ANO7: variants seen among roughly 807,000 people sequenced by gnomAD.
The protein encoded by ANO7 is anoctamin 7.
ANO7 carries 114 observed loss-of-function variants against 115.8 expected under a neutral mutation model. The observed-to-expected ratio is 0.98, with a 90% confidence interval of 0.85 to 1.15. ANO7 has a LOEUF of 1.15. ANO7 is among the 50% of genes most tolerant of loss of function. The probability of loss-of-function intolerance (pLI) is 0.00; values close to 1 mark genes in which losing one functional copy is unlikely to be tolerated. For missense variants in ANO7, 1,302 were observed against 1,201.2 expected, an observed-to-expected ratio of 1.08 and a Z score of -1.24; for synonymous variants, 550 against 498.2, an observed-to-expected ratio of 1.10 and a Z score of -1.38.
chr2:241,201,185 G>A (rs1036255753), intron 6 of ANO7, 113 bp from the exon 7 acceptor site: 50 of 1,270,110 alleles, frequency 3.9e-5, no homozygotes, highest in East Asian at 5.6e-5. Flanking sequence ...GCCAGCACCC[G>A]GGCCCCAAAC....
chr2:241,213,053 A>G (rs1265096589), intron 17 of ANO7, among the ~76,000 whole-genome samples: 1 of 152,190 alleles, frequency 6.6e-6, no homozygotes, highest in Non-Finnish European at 1.5e-5. Flanking sequence ...TTTTAACCCA[A>G]TTCACACCTG....
chr2:241,236,551 G>C, the ANO7 span: 1 of 1,550,582 alleles, frequency 6.4e-7, no homozygotes, highest in Non-Finnish European at 8.9e-7. Flanking sequence ...CAGGCCACGC[G>C]TCTCCCCAGG....
At position 241,208,965 on chromosome 2, in the gene ANO7, C is replaced by T. The variant is rs11674804; in HGVS notation, c.1078-320C>T. Among the ~76,000 whole-genome samples the T allele has an allele frequency of 0.22, 32,749 of 151,800 alleles. 3,940 individuals carry two copies. The highest frequency in any genetic ancestry group is 0.27 in the Non-Finnish European group (18,409 of 67,900). ...AAGATCGAGACCATCCTGGCTAACA[C>T]GGTGAAACCTCGTCTCTACTAAAAA... On this transcript the variant is annotated intron_variant, in intron 11 of 24. Coordinates refer to ENST00000674324, the MANE Select transcript of ANO7 (RefSeq NM_001370694.2).
chr2:241,233,977 G>A, the ANO7 span: 1 of 1,614,042 alleles, frequency 6.2e-7, no homozygotes, highest in Non-Finnish European at 8.5e-7. This position sits in a 1 kb window ranked among gnomAD's most constrained non-coding sequence, Gnocchi z 4.3. Context: ...CAAATGAAAG[G>A]AGCAAGAATG....
chr2:241,205,043 G>C lies in ANO7; in HGVS notation c.980+88G>C. 8 of 1,120,564 alleles carry C rather than the reference G, an allele frequency of 7.1e-6. No homozygotes were observed. The South Asian group carries it at 1.0e-4, about 14-fold the overall frequency. The allele number at this position is 1,120,564 out of a possible 1,614,324, so 69.4% of individuals were successfully genotyped here. ...GGGGGACCCCTAGGTGCTAGGTCCT[G>C]TGCAGACAGCTGGTGCTTGAGGTGA... On this transcript the variant is annotated intron_variant, in intron 10 of 24. Transcript: ENST00000674324.
chr2:241,202,863 G>A (rs925158528), intron 8 of ANO7, among the ~76,000 whole-genome samples: 1 of 152,224 alleles, frequency 6.6e-6, no homozygotes, highest in African/African-American at 2.4e-5. Flanking sequence ...GCCCACTGCT[G>A]CATGGCCAGG....
the ANO7 span, chr2:241,233,831 C>T: frequency 1.2e-6 from 2 of 1,614,174 alleles, no homozygotes; most frequent in Non-Finnish European, 1.7e-6. This position sits in a 1 kb window ranked among gnomAD's most constrained non-coding sequence, Gnocchi z 4.3. Context: ...TGGTTCCCAT[C>T]GTCCTTATCA....
At chr2:241,232,738 C>T in the ANO7 span, among the ~76,000 whole-genome samples, 7 of 152,030 alleles carry the variant, frequency 4.6e-5, no homozygotes, top group Admixed American at 6.6e-5. Flanking sequence ...CACTTCAACC[C>T]GGGAGGCAGA....
the ANO7 span, chr2:241,235,517 C>A: frequency 1.9e-6 from 3 of 1,613,958 alleles, no homozygotes; most frequent in African/African-American, 4.0e-5. Flanking sequence ...TCTTGCGGAT[C>A]CCACTTCCTT....
At chr2:241,192,784 G>A (rs1032931921) in intron 3 of ANO7, among the ~76,000 whole-genome samples, 26 of 152,186 alleles carry the variant, frequency 1.7e-4, no homozygotes, top group East Asian at 1.9e-4. Context: ...ACGGGGATGC[G>A]CCTTGTGGAC....
chr2:241,204,057 A>C (rs2068533881), intron 9 of ANO7, among the ~76,000 whole-genome samples: 1 of 152,198 alleles, frequency 6.6e-6, no homozygotes, highest in Non-Finnish European at 1.5e-5. Flanking sequence ...GTGGACCCAG[A>C]CAATAGAGCC....
chr2:241,214,273 G>C (rs958718519), intron 17 of ANO7, among the ~76,000 whole-genome samples: 1 of 152,216 alleles, frequency 6.6e-6, no homozygotes, highest in African/African-American at 2.4e-5. Flanking sequence ...GGCTACGCGG[G>C]CTTAGGTATG....
the ANO7 span, chr2:241,234,050 C>CTGGAGATGCTGCAG: frequency 6.9e-7 from 1 of 1,457,762 alleles, no homozygotes; most frequent in Non-Finnish European, 9.5e-7. Flanking sequence ...TCATAGGACA[C>CTGGAGATGCTGCAG]TGGAGATGCT....
downstream of ANO7, chr2:241,228,880 G>GGAGGGCAGAAGCCCGC: frequency 6.5e-6 from 1 of 153,004 alleles, no homozygotes; most frequent in Non-Finnish European, 1.5e-5. Context: ...AGGGGACCCA[G>GGAGGGCAGAAGCCCGC]ATGGTGCCTA....
intron 15 of ANO7, among the ~76,000 whole-genome samples, chr2:241,211,692 G>T (rs2068723449): frequency 6.6e-6 from 1 of 152,150 alleles, no homozygotes; most frequent in Non-Finnish European, 1.5e-5. Flanking sequence ...TTCTGCAACT[G>T]TGGGGTTGCT....
At chr2:241,238,508 G>A in the ANO7 span, 3 of 629,782 alleles carry the variant, frequency 4.8e-6, no homozygotes, top group African/African-American at 5.5e-5. This position sits in a 1 kb window ranked among gnomAD's most constrained non-coding sequence, Gnocchi z 4.9. Context: ...GAGTGACCCT[G>A]AACCTCTGGA....
the ANO7 span, chr2:241,235,020 CGCTGGGAT>C: frequency 3.7e-5 from 53 of 1,415,304 alleles, no homozygotes; most frequent in African/African-American, 5.9e-4. Context: ...AGCCAGATGT[CGCTGGGAT>C]GCTGGGATCC....
downstream of ANO7, chr2:241,229,820 G>A (rs763358721): frequency 2.0e-5 from 22 of 1,089,482 alleles, no homozygotes; most frequent in South Asian, 3.9e-5. Flanking sequence ...GAGGGCAGAA[G>A]CCCGCATCTG....
the ANO7 span, chr2:241,236,562 T>C: frequency 5.7e-6 from 9 of 1,587,562 alleles, no homozygotes; most frequent in Non-Finnish European, 6.9e-6. Flanking sequence ...TCTCCCCAGG[T>C]GCCTGCTGAC....
Sources: allele counts gnomAD v4.1 joint callset (sites outside exome capture counted in the v4.1 genomes callset), GRCh38; gene constraint gnomAD v4.1.1; non-coding constraint Gnocchi (gnomAD v3.1); transcripts MANE v1.5; gene names NCBI Gene and HGNC (gene_info 2026-07-23, HGNC 2026-07-21).